NR2C2: variants seen among roughly 807,000 people sequenced by gnomAD.
The protein encoded by NR2C2 is Nuclear hormone receptor TR4.
In NR2C2, 6 loss-of-function variants were observed where a neutral mutation model predicts 62.9. That is an observed-to-expected ratio of 0.10 (90% CI 0.05 to 0.19). The LOEUF (loss-of-function observed/expected upper bound fraction) is 0.19, where lower values mean the gene tolerates loss of function less well. NR2C2 is among the 10% of genes least tolerant of loss of function. The pLI is 1.00. For missense variants in NR2C2, 479 were observed against 762.7 expected, an observed-to-expected ratio of 0.63 and a Z score of 4.38; for synonymous variants, 272 against 273.8, an observed-to-expected ratio of 0.99 and a Z score of 0.07.
chr3:14,994,439 C>CTTTTTT lies in NR2C2; in HGVS notation c.-39-9420_-39-9415dup, dbSNP rs4038325. Among the ~76,000 whole-genome samples, 405 of 89,590 alleles carry CTTTTTT rather than the reference C, an allele frequency of 4.5e-3. 1 individual carries two copies. The highest frequency in any genetic ancestry group is 6.1e-3 in the Non-Finnish European group (289 of 47,704). The allele number at this position is 89,590 out of a possible 152,430, so 58.8% of individuals were successfully genotyped here. ...AATTCGTTGTTGTTGTTTATTCATT[C>CTTTTTT]TTTTTTTTTTTTTTTTTTTTTTGAG... is the stretch of plus-strand genomic sequence containing the variant. On this transcript the variant is annotated intron_variant, in intron 1 of 13. Coordinates refer to ENST00000425241, the MANE Select transcript of NR2C2 (RefSeq NM_001291694.2).
intron 1 of NR2C2, among the ~76,000 whole-genome samples, chr3:14,971,207 T>C (rs928651209): frequency 6.6e-6 from 1 of 151,870 alleles, no homozygotes; most frequent in East Asian, 1.9e-4. Context: ...AACCTTTGCC[T>C]CCTGGGTTCA....
chr3:15,004,859 G>A (rs1305642714), intron 2 of NR2C2, among the ~76,000 whole-genome samples: 1 of 152,202 alleles, frequency 6.6e-6, no homozygotes, highest in Non-Finnish European at 1.5e-5. Context: ...TAGCCAAAAG[G>A]TCGAGAAGCG....
At chr3:14,950,205 G>A (rs139184858) in intron 1 of NR2C2, among the ~76,000 whole-genome samples, 298 of 152,148 alleles carry the variant, frequency 2.0e-3, no homozygotes, top group African/African-American at 6.6e-3. Flanking sequence ...CAATAGATTC[G>A]AACACCGAGA....
At chr3:14,975,768 G>A (rs951008497) in intron 1 of NR2C2, among the ~76,000 whole-genome samples, 3 of 152,150 alleles carry the variant, frequency 2.0e-5, no homozygotes, top group Non-Finnish European at 4.4e-5. Flanking sequence ...TTCTAGAAGA[G>A]TTTAAGAAGG....
At chr3:15,004,889 CTTGCTTGCTTTCTTGG>C (rs2041124139) in intron 2 of NR2C2, among the ~76,000 whole-genome samples, 1 of 152,118 alleles carries the variant, frequency 6.6e-6, no homozygotes, top group South Asian at 2.1e-4. Flanking sequence ...TAACCCCTTT[CTTGCTTGCTTTCTTGG>C]TTGCTTGCTT....
chr3:14,988,517 G>A (rs1336226165), intron 1 of NR2C2, among the ~76,000 whole-genome samples: 2 of 152,362 alleles, frequency 1.3e-5, no homozygotes, highest in South Asian at 2.1e-4. Flanking sequence ...AGCAAATTCT[G>A]ATGATGAAGG....
At chr3:15,031,997 G>C (rs2125063902) in intron 9 of NR2C2, among the ~76,000 whole-genome samples, 1 of 152,226 alleles carries the variant, frequency 6.6e-6, no homozygotes, top group East Asian at 1.9e-4. Context: ...CCAAAGTGCT[G>C]GGATTACAGG....
At chr3:15,039,042 G>A in intron 12 of NR2C2, 80 bp from the exon 13 acceptor site, 1 of 1,006,706 alleles carries the variant, frequency 9.9e-7, no homozygotes, top group East Asian at 2.5e-5. Flanking sequence ...GCAGAAGTTT[G>A]ACTAAAAGTA....
At chr3:14,983,418 C>A (rs1160743916) in intron 1 of NR2C2, among the ~76,000 whole-genome samples, 1 of 151,342 alleles carries the variant, frequency 6.6e-6, no homozygotes, top group Non-Finnish European at 1.5e-5. Context: ...TTGTATTCTG[C>A]AGTTAATCTC....
At chr3:15,039,100 G>C (rs1470321533) in intron 12 of NR2C2, 22 bp from the exon 13 acceptor site, 5 of 1,569,368 alleles carry the variant, frequency 3.2e-6, no homozygotes, top group Non-Finnish European at 4.4e-6. Context: ...GGAACTGGGG[G>C]GGGGTACTTT....
At chr3:14,994,583 C>CA (rs2040767847) in intron 1 of NR2C2, among the ~76,000 whole-genome samples, 1 of 150,968 alleles carries the variant, frequency 6.6e-6, no homozygotes, top group South Asian at 2.1e-4. Flanking sequence ...GCTGGGACTA[C>CA]AGATGCGCAC....
chr3:15,014,541 A>G (rs1233936022), intron 3 of NR2C2, among the ~76,000 whole-genome samples: 1 of 152,104 alleles, frequency 6.6e-6, no homozygotes, highest in Non-Finnish European at 1.5e-5. Context: ...TTAGGTATAC[A>G]GTTTAGTGGC....
intron 1 of NR2C2, among the ~76,000 whole-genome samples, chr3:14,995,268 T>A (rs1412403245): frequency 6.7e-6 from 1 of 149,454 alleles, no homozygotes; most frequent in Non-Finnish European, 1.5e-5. Context: ...ATATTTACAA[T>A]ATTGTGCAGC....
intron 2 of NR2C2, among the ~76,000 whole-genome samples, chr3:15,009,083 A>G (rs1478312074): frequency 6.6e-6 from 1 of 151,652 alleles, no homozygotes; most frequent in Non-Finnish European, 1.5e-5. Flanking sequence ...TTAGCGGGGC[A>G]TGGTGACGCA....
At chr3:14,986,759 A>G (rs2040524917) in intron 1 of NR2C2, among the ~76,000 whole-genome samples, 3 of 152,250 alleles carry the variant, frequency 2.0e-5, no homozygotes, top group African/African-American at 7.2e-5. Context: ...AAAAATTAGC[A>G]TCTGCTATGG....
At chr3:15,015,811 T>C (rs1458797077) in intron 3 of NR2C2, among the ~76,000 whole-genome samples, 2 of 152,198 alleles carry the variant, frequency 1.3e-5, no homozygotes. Context: ...TTTTTGCTTG[T>C]TTGTTTTTGA....
At chr3:15,016,372 C>T (rs1337816974) in intron 4 of NR2C2, 118 bp downstream of exon 4, 6 of 666,206 alleles carry the variant, frequency 9.0e-6, no homozygotes, top group African/African-American at 1.8e-5. Flanking sequence ...GTAGGTTTCA[C>T]ATGTGAATTC....
At chr3:15,027,792 C>T (rs1188126670) in intron 7 of NR2C2, among the ~76,000 whole-genome samples, 1 of 151,696 alleles carries the variant, frequency 6.6e-6, no homozygotes, top group South Asian at 2.1e-4. Flanking sequence ...GAGACAGGGC[C>T]TTGCCATGTT....
At chr3:14,983,556 CTT>C (rs2040434723) in intron 1 of NR2C2, among the ~76,000 whole-genome samples, 1 of 151,882 alleles carries the variant, frequency 6.6e-6, no homozygotes, top group Middle Eastern at 3.4e-3. Flanking sequence ...GTGAGATTAA[CTT>C]TTAATTTTTC....
Sources: gnomAD v4.1 joint callset for allele counts (sites outside exome capture counted in the v4.1 genomes callset) on GRCh38, gnomAD v4.1.1 for gene constraint, MANE v1.5 for transcripts, NCBI Gene and HGNC (gene_info 2026-07-23, HGNC 2026-07-21) for gene names.